The following ZNF804B variants were observed in gnomAD, a reference collection of about 807,000 sequenced individuals.
ZNF804B encodes the protein zinc finger 804B.
Under a neutral mutation model 101.4 loss-of-function variants are expected in ZNF804B, and 80 were observed. The observed-to-expected ratio is 0.79, with a 90% CI of 0.66 to 0.95. ZNF804B has a LOEUF of 0.95. ZNF804B is among the 40% of genes least tolerant of loss of function. The pLI, the probability that ZNF804B is intolerant of heterozygous loss-of-function variation, is 0.00. For missense variants in ZNF804B, 1,673 were observed against 1,561.9 expected (o/e 1.07, Z -1.20); for synonymous variants, 622 against 558.8 (o/e 1.11, Z -1.59).
chr7:89,073,635 C>G (rs1789575030), intron 1 of ZNF804B, among the ~76,000 whole-genome samples: 1 of 151,258 alleles, frequency 6.6e-6, no homozygotes, highest in Admixed American at 6.6e-5. Flanking sequence ...TGTTTTATAC[C>G]ACCTTCAATT....
At chr7:89,081,080 A>G (rs1310811046) in intron 1 of ZNF804B, among the ~76,000 whole-genome samples, 1 of 151,898 alleles carries the variant, frequency 6.6e-6, no homozygotes, top group Non-Finnish European at 1.5e-5. Flanking sequence ...TAACCGAGGG[A>G]TGTTGGAGCA....
chr7:88,864,479 G>A (rs969216957), intron 1 of ZNF804B, among the ~76,000 whole-genome samples: 2 of 152,144 alleles, frequency 1.3e-5, no homozygotes, highest in Non-Finnish European at 2.9e-5. Flanking sequence ...TACACAACTG[G>A]CTCTCAACTA....
At chr7:88,836,965 G>A (rs1691112866) in intron 1 of ZNF804B, among the ~76,000 whole-genome samples, 1 of 151,878 alleles carries the variant, frequency 6.6e-6, no homozygotes, top group South Asian at 2.1e-4. Flanking sequence ...GTTTCAGGGA[G>A]GGCAAAACTA....
chr7:88,927,549 G>T (rs937077220), intron 1 of ZNF804B, among the ~76,000 whole-genome samples: 16 of 152,074 alleles, frequency 1.1e-4, no homozygotes, highest in African/African-American at 3.6e-4. Flanking sequence ...CCTGAAAATT[G>T]CCTTATCCCT....
intron 1 of ZNF804B, among the ~76,000 whole-genome samples, chr7:89,150,530 A>T (rs544972046): frequency 2.9e-4 from 44 of 152,128 alleles, no homozygotes; most frequent in Admixed American, 2.4e-3. Context: ...CCTTAGGTAG[A>T]TCATTTAACC....
chr7:89,144,385 C>A (rs1170535744), intron 1 of ZNF804B, among the ~76,000 whole-genome samples: 4 of 151,804 alleles, frequency 2.6e-5, no homozygotes, highest in Non-Finnish European at 5.9e-5. Flanking sequence ...TCTTATTCTG[C>A]TCTTTCAAAA....
chr7:88,898,517 C>T (rs1454669614), intron 1 of ZNF804B, among the ~76,000 whole-genome samples: 2 of 151,804 alleles, frequency 1.3e-5, no homozygotes, highest in Non-Finnish European at 2.9e-5. Context: ...TCTAATTGTT[C>T]ACATGTGAAA....
In ZNF804B at chr7:88,987,981, C is replaced by G. The variant is rs139681366; in HGVS notation, c.108+227897C>G. On this transcript the variant is annotated intron_variant, in intron 1 of 3. Transcript: ENST00000333190. ...TCCATAAAATCATCCCTCCTCCTTC[C>G]TTTTCTTCTCAGCCTCTAATAACCA... Among the ~76,000 whole-genome samples the G allele has an allele frequency of 1.7e-3, 253 of 151,922 alleles. 1 individual carries two copies. The highest frequency in any genetic ancestry group is 5.6e-3 in the African/African-American group (234 of 41,458).
chr7:88,854,463 C>CTT (rs1491431003), intron 1 of ZNF804B, among the ~76,000 whole-genome samples: 1 of 104,532 alleles, frequency 9.6e-6, no homozygotes, highest in African/African-American at 4.6e-5. Flanking sequence ...TTCTTTCTTT[C>CTT]TTTCTTTCTT....
chr7:89,044,159 T>G (rs1160787929), intron 1 of ZNF804B, among the ~76,000 whole-genome samples: 4 of 152,192 alleles, frequency 2.6e-5, no homozygotes, highest in African/African-American at 9.6e-5. Flanking sequence ...GTTGTTTTCC[T>G]GGTAGTGAGT....
intron 2 of ZNF804B, among the ~76,000 whole-genome samples, chr7:89,226,357 A>G (rs914581870): frequency 6.6e-6 from 1 of 152,098 alleles, no homozygotes; most frequent in African/African-American, 2.4e-5. Context: ...ACATACAATG[A>G]AGAGAGAGTG....
At chr7:88,974,338 A>G (rs1213610792) in intron 1 of ZNF804B, among the ~76,000 whole-genome samples, 1 of 151,344 alleles carries the variant, frequency 6.6e-6, no homozygotes, top group Non-Finnish European at 1.5e-5. Context: ...TTGACAATAT[A>G]TTGTATTATT....
At chr7:89,084,668 C>G (rs538880580) in intron 1 of ZNF804B, among the ~76,000 whole-genome samples, 28 of 151,998 alleles carry the variant, frequency 1.8e-4, no homozygotes, top group Admixed American at 3.3e-4. Context: ...ATTGCTGACA[C>G]TGATTTCTTA....
At chr7:89,291,286 A>G (rs1790288372) in intron 2 of ZNF804B, among the ~76,000 whole-genome samples, 1 of 139,328 alleles carries the variant, frequency 7.2e-6, no homozygotes, top group Non-Finnish European at 1.6e-5. Flanking sequence ...AACAAACTAA[A>G]TAAGACAGAA....
intron 1 of ZNF804B, among the ~76,000 whole-genome samples, chr7:88,799,164 C>A (rs1264355989): frequency 2.0e-5 from 3 of 152,012 alleles, no homozygotes; most frequent in Non-Finnish European, 4.4e-5. Context: ...TTTTCAGAAC[C>A]AAATGCTCCT....
rs1040472354 is a variant in ZNF804B, at chr7:89,152,114, G to T, written c.109-66041G>T. Among the ~76,000 whole-genome samples the T allele has an allele frequency of 5.3e-5, 8 of 152,090 alleles. No individual in the cohort carries two copies. The East Asian group carries it at 1.5e-3, about 29-fold the overall frequency. Reference sequence around the variant, plus strand: ...ATTAACCCAACTGGGATATTATGCAGTATTATTTATATGGATTTGGCTTAC... The same window carrying T: ...ATTAACCCAACTGGGATATTATGCATTATTATTTATATGGATTTGGCTTAC... On this transcript the variant is annotated intron_variant, in intron 1 of 3. Coordinates refer to ENST00000333190, the MANE Select transcript of ZNF804B (RefSeq NM_181646.5).
chr7:89,037,897 A>T (rs537983098), intron 1 of ZNF804B, among the ~76,000 whole-genome samples: 9 of 152,242 alleles, frequency 5.9e-5, no homozygotes, highest in African/African-American at 2.2e-4. Flanking sequence ...CATGAATAAG[A>T]TTATGCAGCA....
chr7:89,229,184 C>G (rs532953810), intron 2 of ZNF804B, among the ~76,000 whole-genome samples: 2 of 152,334 alleles, frequency 1.3e-5, no homozygotes, highest in South Asian at 2.1e-4. Flanking sequence ...CACTGTGCAG[C>G]GGCGGGCTGA....
intron 1 of ZNF804B, among the ~76,000 whole-genome samples, chr7:89,203,248 A>G (rs889435985): frequency 9.2e-5 from 14 of 152,160 alleles, no homozygotes; most frequent in Admixed American, 3.3e-4. Flanking sequence ...CCCAGTTTCC[A>G]GATAATTAGG....
Sources: gnomAD v4.1 joint callset for allele counts (sites outside exome capture counted in the v4.1 genomes callset) on GRCh38, gnomAD v4.1.1 for gene constraint, MANE v1.5 for transcripts, NCBI Gene and HGNC (gene_info 2026-07-23, HGNC 2026-07-21) for gene names.